Variants in MEIOB observed in about 807,000 individuals in gnomAD.
MEIOB encodes meiosis specific with OB-fold.
Under a neutral mutation model 53.1 loss-of-function variants are expected in MEIOB, and 50 were observed. The ratio of observed to expected loss-of-function variants is 0.94; its 90% CI spans 0.75 to 1.19. The LOEUF (loss-of-function observed/expected upper bound fraction) is 1.19. Ranked by LOEUF, MEIOB falls within the 50% of genes most tolerant of loss-of-function variation. The pLI, the probability that MEIOB is intolerant of heterozygous loss-of-function variation, is 0.00. For missense variants in MEIOB, 551 were observed against 550.8 expected (o/e 1.00, Z 0.00); for synonymous variants, 192 against 182.5 (o/e 1.05, Z -0.42).
chr16:1,868,144 G>C lies in MEIOB; in HGVS notation c.32C>G (p.Thr11Ser), dbSNP rs989747209. MANSFAARIF[T>S]TLSDLQTNMA... ...ATTTGTCTGCAGATCTGAAAGGGTA[G>C]TGAAAATCCTCGCTGCAAAGGAGTT... The change falls in exon 2 of 14, where the codon ACT (threonine) becomes AGT (serine). Residue 11 changes from threonine (T) to serine (S), a missense_variant. By Grantham distance (58) the Thr-to-Ser change is moderately conservative. Transcript: ENST00000325962. The C allele has an allele frequency of 6.5e-7, 1 of 1,534,492 alleles. No individual in the cohort carries two copies. Among genetic ancestry groups the C allele is most frequent in the Non-Finnish European group, 8.8e-7 (1 of 1,134,984 alleles).
intron 3 of MEIOB, among the ~76,000 whole-genome samples, chr16:1,864,799 T>C (rs1032900229): frequency 6.6e-6 from 1 of 152,178 alleles, no homozygotes; most frequent in African/African-American, 2.4e-5. Flanking sequence ...AAACCGTGTA[T>C]TTCATTTTTA....
intron 2 of MEIOB, among the ~76,000 whole-genome samples, chr16:1,866,445 G>C (rs887803404): frequency 1.3e-5 from 2 of 152,152 alleles, no homozygotes; most frequent in Admixed American, 1.3e-4. Context: ...AATGGGCCGG[G>C]TGTGTTGGCT....
chr16:1,840,774 T>C (rs1364962720), intron 11 of MEIOB, among the ~76,000 whole-genome samples: 1 of 151,924 alleles, frequency 6.6e-6, no homozygotes, highest in Non-Finnish European at 1.5e-5. Flanking sequence ...ATGGTCTCAA[T>C]CTCCTGACCT....
chr16:1,860,633 T>C (rs1347695800), intron 4 of MEIOB, among the ~76,000 whole-genome samples, 158 bp from the exon 5 acceptor site: 3 of 152,228 alleles, frequency 2.0e-5, no homozygotes, highest in Non-Finnish European at 4.4e-5. Flanking sequence ...ATATAACATA[T>C]TTTGATACTG....
chr16:1,842,037 G>A (rs1382235207), intron 10 of MEIOB, 64 bp from the exon 11 acceptor site: 8 of 1,154,076 alleles, frequency 6.9e-6, no homozygotes, highest in East Asian at 5.7e-5. Context: ...GGTTACATCC[G>A]AATGGAAAGC....
chr16:1,856,074 A>T (rs997764398), intron 6 of MEIOB, among the ~76,000 whole-genome samples: 1 of 151,846 alleles, frequency 6.6e-6, no homozygotes, highest in Admixed American at 6.6e-5. Flanking sequence ...AGCTCATTGC[A>T]ACCTCTGTCT....
chr16:1,860,360 A>C, intron 5 of MEIOB, 43 bp downstream of exon 5: 2 of 1,025,922 alleles, frequency 1.9e-6, no homozygotes, highest in African/African-American at 1.6e-5. Context: ...CATTATTAGT[A>C]ATGATCATTC....
At chr16:1,865,613 A>G (rs1432395258) in intron 3 of MEIOB, among the ~76,000 whole-genome samples, 165 bp downstream of exon 3, 1 of 152,104 alleles carries the variant, frequency 6.6e-6, no homozygotes, top group Non-Finnish European at 1.5e-5. Context: ...GGAGGGAGGG[A>G]GAGAGAAAGC....
At chr16:1,868,001 T>A (rs1899636590) in intron 2 of MEIOB, 106 bp downstream of exon 2, 1 of 634,164 alleles carries the variant, frequency 1.6e-6, no homozygotes. Context: ...AGTATCTATA[T>A]ACTTGCCAAT....
chr16:1,869,114 ATTTTG>A (rs751160328), intron 1 of MEIOB, among the ~76,000 whole-genome samples: 61 of 152,028 alleles, frequency 4.0e-4, no homozygotes, highest in African/African-American at 8.2e-4. Flanking sequence ...TTATTTTTTA[ATTTTG>A]TTTTAACTTT....
intron 10 of MEIOB, among the ~76,000 whole-genome samples, chr16:1,842,927 G>A (rs1898949395): frequency 6.7e-6 from 1 of 149,920 alleles, no homozygotes; most frequent in South Asian, 2.1e-4. Context: ...CTCCCAAAGT[G>A]CTGGGATTAC....
Position 1,857,950 on chromosome 16 carries a change from G to T in MEIOB, c.333-20C>A, listed in dbSNP as rs780655466. On this transcript the variant is annotated intron_variant, in intron 5 of 13. Transcript: ENST00000325962. ...CAGTTGCTAAATTGCAAAAACACAA[G>T]AAAGTTATTTGAAAGTGATCTTTGG... 28 of 1,451,000 alleles carry T rather than the reference G, an allele frequency of 1.9e-5. 1 individual carries two copies. In the South Asian group the frequency reaches 3.4e-4, roughly 18 times the overall value. 89.9% of individuals were successfully genotyped at this position (1,451,000 alleles called of 1,614,324 possible).
chr16:1,842,489 G>T (rs1898935773), intron 10 of MEIOB, among the ~76,000 whole-genome samples: 1 of 150,520 alleles, frequency 6.6e-6, no homozygotes, highest in Non-Finnish European at 1.5e-5. Context: ...CAGGCATGGT[G>T]GTGCATGCCT....
chr16:1,844,123 T>C (rs1044806006), intron 10 of MEIOB, among the ~76,000 whole-genome samples: 1 of 92,850 alleles, frequency 1.1e-5, no homozygotes, highest in Non-Finnish European at 2.3e-5. Flanking sequence ...ATTATGTTTC[T>C]TTTTTTTTTT....
intron 9 of MEIOB, among the ~76,000 whole-genome samples, chr16:1,848,641 G>A (rs1206455690): frequency 2.0e-5 from 3 of 149,058 alleles, no homozygotes; most frequent in East Asian, 2.0e-4. Flanking sequence ...CTCCCCGGCT[G>A]AAGCGATCCT....
intron 4 of MEIOB, 103 bp from the exon 5 acceptor site, chr16:1,860,578 A>C: frequency 2.9e-6 from 2 of 684,020 alleles, no homozygotes; most frequent in Non-Finnish European, 4.9e-6. Context: ...CATCGACTCT[A>C]GGCTTTAAAA....
chr16:1,854,292 A>G (rs183016585), intron 6 of MEIOB, 92 bp from the exon 7 acceptor site: 141 of 714,702 alleles, frequency 2.0e-4, no homozygotes, highest in Admixed American at 4.5e-4. Context: ...CACCTTTTAA[A>G]CACCAAATTA....
chr16:1,856,033 C>T (rs888488861), intron 6 of MEIOB, among the ~76,000 whole-genome samples: 9 of 151,748 alleles, frequency 5.9e-5, no homozygotes, highest in African/African-American at 1.5e-4. Flanking sequence ...CTCGCTCTGT[C>T]GCCCAGGCTG....
At chr16:1,853,172 G>A (rs1391188978) in intron 8 of MEIOB, 38 bp from the exon 9 acceptor site, 2 of 1,566,016 alleles carry the variant, frequency 1.3e-6, no homozygotes, top group Non-Finnish European at 8.7e-7. Flanking sequence ...TATTACATGG[G>A]AGGATATAAA....
Sources: allele counts gnomAD v4.1 joint callset (sites outside exome capture counted in the v4.1 genomes callset), GRCh38; gene constraint gnomAD v4.1.1; transcripts MANE v1.5; gene names NCBI Gene and HGNC (gene_info 2026-07-23, HGNC 2026-07-21).